Variants in GOLGA2 observed in about 807,000 individuals in gnomAD.
The protein encoded by GOLGA2 is golgin subfamily A member 2.
In GOLGA2, 49 loss-of-function variants were observed where a neutral mutation model predicts 148.8. That is an observed-to-expected ratio of 0.33 (90% CI 0.26 to 0.42). The LOEUF is 0.42. Ranked by LOEUF, GOLGA2 falls within the 10% of genes least tolerant of loss-of-function variation. GOLGA2 has a pLI of 1.00. For missense variants in GOLGA2, 1,178 were observed against 1,304.6 expected (o/e 0.90, Z 1.49); for synonymous variants, 501 against 511.8 (o/e 0.98, Z 0.28).
At chr9:128,269,794 C>A (rs530557898) in intron 3 of GOLGA2, among the ~76,000 whole-genome samples, 1 of 152,212 alleles carries the variant, frequency 6.6e-6, no homozygotes, top group African/African-American at 2.4e-5. Flanking sequence ...GAAAGGACTG[C>A]GCGCTCACTG....
Position 128,259,401 on chromosome 9 carries a change from G to C in GOLGA2, c.1873-10C>G, listed in dbSNP as rs765270591. On this transcript the variant is annotated splice_polypyrimidine_tract_variant and intron_variant, in intron 19 of 26. Transcript: ENST00000611957. Reference sequence around the variant, plus strand: ...GGCTCTTCAGCTCCACCTGTAGGAAGACCCTGGGCGTGAGGGCAGGTGGTG... The same window carrying C: ...GGCTCTTCAGCTCCACCTGTAGGAACACCCTGGGCGTGAGGGCAGGTGGTG... The C allele has an allele frequency of 1.3e-6, 2 of 1,546,578 alleles. No homozygotes were observed. The highest frequency in any genetic ancestry group is 4.7e-5 in the East Asian group (2 of 42,650).
chr9:128,259,967 G>C, intron 19 of GOLGA2, 109 bp downstream of exon 19: 2 of 768,466 alleles, frequency 2.6e-6, no homozygotes, highest in Non-Finnish European at 4.6e-6. Flanking sequence ...TGCCCTGGAG[G>C]GTGCTGGGGT....
chr9:128,260,856 C>A lies in GOLGA2; in HGVS notation c.1421-54G>T. ...TCTGGATTCTCAAAAAAACCCTCCTCTTGGTCCATACCTCCTCTCAAGCTC... is the reference window on the plus strand; with the variant it reads ...TCTGGATTCTCAAAAAAACCCTCCTATTGGTCCATACCTCCTCTCAAGCTC... On this transcript the variant is annotated intron_variant, in intron 17 of 26. Coordinates refer to ENST00000611957, the MANE Select transcript of GOLGA2 (RefSeq NM_001366244.2). This position sits in a 1 kb window ranked among gnomAD's most constrained non-coding sequence, Gnocchi z 4.8. 1.6e-6 allele frequency: 2 copies of A among 1,265,156 alleles called. No individual in the cohort carries two copies. The highest frequency in any genetic ancestry group is 2.4e-5 in the East Asian group (1 of 42,142). The allele number at this position is 1,265,156 out of a possible 1,614,324, so 78.4% of individuals were successfully genotyped here.
At chr9:128,267,794 A>G (rs1830684303) in intron 6 of GOLGA2, 140 bp downstream of exon 6, 4 of 730,926 alleles carry the variant, frequency 5.5e-6, no homozygotes, top group East Asian at 5.4e-5. Context: ...GAGAAGGCTC[A>G]GGGAAAAGGC....
rs1208082103 is a variant in GOLGA2 at position 128,259,013 on chromosome 9, C to T, written c.2167G>A (p.Gly723Arg). 1.3e-6 allele frequency: 2 copies of T among 1,597,320 alleles called. No homozygotes were observed. Among genetic ancestry groups the T allele is most frequent in the African/African-American group, 2.7e-5 (2 of 74,712 alleles). Residue 723 changes from glycine (G) to arginine (R), a missense_variant, in exon 21 of 27, where the codon GGG becomes AGG. By Grantham distance (125) the Gly-to-Arg change is moderately radical. Around this residue, in one of 5 missense-constraint regions of GOLGA2, gnomAD observed 529 missense variants for 521.8 expected, o/e 1.01. Transcript: ENST00000611957. ...RAQLSLMAHPGEGDGLDREEE... is the reference protein window; with the variant it reads ...RAQLSLMAHPREGDGLDREEE... ...TGTGAGCAGGTTCCCGTACCTTCCC[C>T]AGGGTGAGCCATGAGGCTCAACTGG...
At chr9:128,262,838 GTA>G in intron 13 of GOLGA2, 134 bp from the exon 14 acceptor site, 1 of 886,472 alleles carries the variant, frequency 1.1e-6, no homozygotes, top group Non-Finnish European at 1.8e-6. Context: ...AAAGTCACAT[GTA>G]CAGGCCAGAG....
rs1830036581 is a variant in GOLGA2, at chr9:128,258,394, G to T, written c.2289+61C>A. 3 of 1,430,360 alleles carry T rather than the reference G, an allele frequency of 2.1e-6. No individual in the cohort carries two copies. The highest frequency in any genetic ancestry group is 1.7e-5 in the Admixed American group (1 of 59,176). 88.6% of individuals were successfully genotyped at this position (1,430,360 alleles called of 1,614,324 possible). On this transcript the variant is annotated intron_variant, in intron 22 of 26. Transcript: ENST00000611957. This position sits in a 1 kb window ranked among gnomAD's most constrained non-coding sequence, Gnocchi z 6.6. The stretch of plus-strand genomic sequence containing the variant: ...AAGGCCGGGAAACCAAGAGCAGAAG[G>T]GGGTCTGGGAGGGACCACAGAGGGA...
chr9:128,262,613 A>G lies in GOLGA2; in HGVS notation c.1084T>C (p.Leu362=), dbSNP rs1160050128. ...VTEKAGMQLN[L]EELQKKLEMT... Reference sequence around the variant, plus strand: ...TCTAACTTCTTTTGCAATTCTTCCAAGTTAAGCTGCATGCCAGCCTTCTCA... The same window carrying G: ...TCTAACTTCTTTTGCAATTCTTCCAGGTTAAGCTGCATGCCAGCCTTCTCA... The change falls in exon 14 of 27, where the codon TTG becomes CTG. Residue 362 remains leucine, a synonymous_variant. Transcript: ENST00000611957. 3.1e-6 allele frequency: 5 copies of G among 1,614,046 alleles called. No individual in the cohort carries two copies. The South Asian group carries it at 3.3e-5, about 11-fold the overall frequency.
Position 128,258,377 on chromosome 9 carries a change from G to A in GOLGA2, c.2289+78C>T, listed in dbSNP as rs1830036231. The stretch of plus-strand genomic sequence containing the variant: ...GGGTCCGAAGAAATCAGAAGGCCGG[G>A]AAACCAAGAGCAGAAGGGGGTCTGG... On this transcript the variant is annotated intron_variant, in intron 22 of 26. Transcript: ENST00000611957. This position sits in a 1 kb window ranked among gnomAD's most constrained non-coding sequence, Gnocchi z 6.6. The A allele has an allele frequency of 4.4e-6, 6 of 1,370,204 alleles. No individual in the cohort carries two copies. The highest frequency in any genetic ancestry group is 4.3e-5 in the African/African-American group (3 of 69,588). 84.9% of individuals were successfully genotyped at this position (1,370,204 alleles called of 1,614,324 possible).
intron 2 of GOLGA2, 36 bp from the exon 3 acceptor site, chr9:128,272,901 G>A: frequency 2.2e-6 from 2 of 912,602 alleles, no homozygotes; most frequent in East Asian, 6.3e-5. Context: ...AAGGGCAGGG[G>A]GAGAAAGGTA....
At position 128,267,954 on chromosome 9, in the gene GOLGA2, G is replaced by A. The variant is rs1456943923; in HGVS notation, c.481C>T (p.Leu161Phe). 1.9e-6 allele frequency: 3 copies of A among 1,613,744 alleles called. No individual in the cohort carries two copies. Among genetic ancestry groups the A allele is most frequent in the Non-Finnish European group, 2.5e-6 (3 of 1,179,676 alleles). Residue 161 changes from leucine (L) to phenylalanine (F), a missense_variant, in exon 6 of 27, where the codon CTC becomes TTC. Physicochemically the swap from Leu to Phe is conservative, Grantham distance 22. Coordinates refer to ENST00000611957, the MANE Select transcript of GOLGA2 (RefSeq NM_001366244.2). The stretch of plus-strand genomic sequence containing the variant: ...GGTACCTCACAAACAAGACCATTGA[G>A]CTGTTGGGAGAGTTGTCGCAGGCTC... ...TESLRQLSQQ[L>F]NGLVCESATC...
At position 128,259,388 on chromosome 9, in the gene GOLGA2, C is replaced by T. The variant is rs1830113299; in HGVS notation, c.1876G>A (p.Glu626Lys). 3 of 1,574,484 alleles carry T rather than the reference C, an allele frequency of 1.9e-6. No homozygotes were observed. The change falls in exon 20 of 27, where the codon GAG becomes AAG. Residue 626 changes from glutamate to lysine, a missense_variant. Glu to Lys is a moderately conservative substitution (Grantham distance 56). Transcript: ENST00000611957. ...EKLSELKETV[E>K]LKSQEAQSLQ... The stretch of plus-strand genomic sequence containing the variant: ...CTTTGAGCCTCTTGGCTCTTCAGCT[C>T]CACCTGTAGGAAGACCCTGGGCGTG...
Position 128,266,678 on chromosome 9 carries a change from C to T in GOLGA2, c.643-353G>A, listed in dbSNP as rs1221369906. 4 of 420,634 alleles carry T rather than the reference C, an allele frequency of 9.5e-6. No individual in the cohort carries two copies. The highest frequency in any genetic ancestry group is 2.0e-5 in the African/African-American group (1 of 49,174). 26.1% of individuals were successfully genotyped at this position (420,634 alleles called of 1,614,324 possible). On this transcript the variant is annotated intron_variant, in intron 8 of 26. Transcript: ENST00000611957. The surrounding 1 kb of genome is among the most constrained non-coding windows in gnomAD (Gnocchi z 4.2). ...TTGCTGAGCACACACAGGCCAGGTA[C>T]GGTTCTTAATAGCAGGGATACCAGA... is the stretch of plus-strand genomic sequence containing the variant.
chr9:128,259,828 T>C (rs1830138153), intron 19 of GOLGA2, among the ~76,000 whole-genome samples: 1 of 152,214 alleles, frequency 6.6e-6, no homozygotes, highest in African/African-American at 2.4e-5. Flanking sequence ...CTTATGCCGC[T>C]GTCTCTTCCC....
intron 12 of GOLGA2, among the ~76,000 whole-genome samples, chr9:128,263,503 C>T (rs1413562480): frequency 1.3e-5 from 2 of 151,960 alleles, no homozygotes; most frequent in African/African-American, 4.8e-5. Context: ...CTGCAAGCTC[C>T]GCCTCCCGGG....
Position 128,266,175 on chromosome 9 carries a change from G to C in GOLGA2, c.681+112C>G. On this transcript the variant is annotated intron_variant, in intron 9 of 26. Transcript: ENST00000611957. This position sits in a 1 kb window ranked among gnomAD's most constrained non-coding sequence, Gnocchi z 4.2. ...TGGGGATGGGGTGGAATCTGGGGGG[G>C]TGAGCCTTCTTCCCCAGGCTGGGAG... 1 of 1,366,920 alleles carries C rather than the reference G, an allele frequency of 7.3e-7. No homozygotes were observed. The highest frequency in any genetic ancestry group is 1.0e-6 in the Non-Finnish European group (1 of 955,944). 84.7% of individuals were successfully genotyped at this position (1,366,920 alleles called of 1,614,324 possible).
Position 128,267,183 on chromosome 9 carries a change from T to C in GOLGA2, c.642+11A>G. The C allele has an allele frequency of 2.0e-6, 3 of 1,505,596 alleles. No individual in the cohort carries two copies. The highest frequency in any genetic ancestry group is 2.8e-6 in the Non-Finnish European group (3 of 1,081,160). The allele number at this position is 1,505,596 out of a possible 1,614,324, so 93.3% of individuals were successfully genotyped here. A position where few individuals can be genotyped will look rare whatever the true frequency, so the allele number is the denominator to read the frequency against. On this transcript the variant is annotated intron_variant, in intron 8 of 26. Transcript: ENST00000611957. ...GCAGCATGGAATCAGGGGACCCCAC[T>C]GGACTCTTACCAATTTCTCTATCGT...
chr9:128,262,455 C>T, intron 14 of GOLGA2, 108 bp downstream of exon 14: 3 of 1,061,030 alleles, frequency 2.8e-6, no homozygotes, highest in Non-Finnish European at 4.1e-6. Context: ...GAACAAGGAC[C>T]CAAATTTTCC....
intron 3 of GOLGA2, among the ~76,000 whole-genome samples, chr9:128,269,702 C>T (rs143915755): frequency 1.3e-5 from 2 of 152,326 alleles, no homozygotes; most frequent in East Asian, 3.9e-4. Context: ...ACCAGCTAAG[C>T]TGGACAAGAG....
Sources: gnomAD v4.1 joint callset for allele counts (sites outside exome capture counted in the v4.1 genomes callset) on GRCh38, gnomAD v4.1.1 for gene constraint, gnomAD v4.1.1 regional missense constraint, Gnocchi (gnomAD v3.1) non-coding constraint, MANE v1.5 for transcripts, NCBI Gene and HGNC (gene_info 2026-07-23, HGNC 2026-07-21) for gene names.